ATF7IP: variants seen among roughly 807,000 people sequenced by gnomAD.
The protein encoded by ATF7IP is activating transcription factor 7-interacting protein 1.
ATF7IP carries 23 observed loss-of-function variants against 106.4 expected under a neutral mutation model. The observed-to-expected ratio is 0.22, with a 90% CI of 0.16 to 0.31. The LOEUF (loss-of-function observed/expected upper bound fraction) is 0.31. Among genes scored for constraint, ATF7IP ranks in the 10% least tolerant of loss-of-function variants. ATF7IP has a pLI of 1.00. For synonymous variants in ATF7IP, 542 were observed against 539.0 expected (o/e 1.01, Z -0.08); for missense variants, 1,334 against 1,524.3 (o/e 0.88, Z 2.08).
intron 13 of ATF7IP, among the ~76,000 whole-genome samples, chr12:14,489,692 C>A (rs1461040110): frequency 6.6e-6 from 1 of 152,140 alleles, no homozygotes; most frequent in African/African-American, 2.4e-5. Context: ...TTCAAAAGGC[C>A]ATTCCACCGT....
chr12:14,491,474 C>G (rs987847583), intron 13 of ATF7IP, among the ~76,000 whole-genome samples: 2 of 152,082 alleles, frequency 1.3e-5, no homozygotes, highest in Non-Finnish European at 2.9e-5. Context: ...GCACACAAAT[C>G]TCTCACCAAT....
At position 14,499,732 on chromosome 12, in the gene ATF7IP, G is replaced by A. The variant is rs1316978125; in HGVS notation, c.*1659G>A. 6.6e-6 allele frequency: 1 copy of A among 152,242 alleles called. No individual in the cohort carries two copies. The highest frequency in any genetic ancestry group is 1.5e-5 in the Non-Finnish European group (1 of 68,112). The allele number at this position is 152,242 out of a possible 1,614,324, so 9.4% of individuals were successfully genotyped here. ...CCCAGCTACTCAGGAGGCAAGGCTG[G>A]AGAATCGCTTGAACCCGGGAGGCGG... On this transcript the variant is annotated 3_prime_UTR_variant, in exon 15 of 15. Transcript: ENST00000261168.
At chr12:14,396,295 C>T (rs911781333) in intron 1 of ATF7IP, among the ~76,000 whole-genome samples, 13 of 152,216 alleles carry the variant, frequency 8.5e-5, no homozygotes, top group African/African-American at 1.4e-4. Context: ...TTCCAGTTCT[C>T]TAGTTTCTGA....
Position 14,424,275 on chromosome 12 carries a change from A to C in ATF7IP, c.360A>C (p.Glu120Asp). 6.2e-7 allele frequency: 1 copy of C among 1,614,192 alleles called. No homozygotes were observed. The highest frequency in any genetic ancestry group is 8.5e-7 in the Non-Finnish European group (1 of 1,180,040). Residue 120 changes from glutamate (E) to aspartate (D), a missense_variant, in exon 2 of 15, where the codon GAA becomes GAC. Glu to Asp is a conservative substitution (Grantham distance 45). This residue lies in a region of ATF7IP where 438 missense variants were observed against 405.3 expected (regional missense o/e 1.08). Coordinates refer to ENST00000261168, the MANE Select transcript of ATF7IP (RefSeq NM_018179.5). ...EPLSPHNITPEPVSKLPAEPV... is the reference protein window; with the variant it reads ...EPLSPHNITPDPVSKLPAEPV... ...TGTCTCCCCATAATATAACTCCAGAACCAGTCTCTAAACTGCCTGCTGAAC... is the reference window on the plus strand; with the variant it reads ...TGTCTCCCCATAATATAACTCCAGACCCAGTCTCTAAACTGCCTGCTGAAC...
intron 8 of ATF7IP, among the ~76,000 whole-genome samples, chr12:14,459,331 G>C (rs1460453524): frequency 2.0e-5 from 3 of 149,342 alleles, no homozygotes; most frequent in South Asian, 2.1e-4. Flanking sequence ...TGTCTTATAT[G>C]TACTGCCTAT....
intron 1 of ATF7IP, among the ~76,000 whole-genome samples, chr12:14,386,091 A>G (rs896242311): frequency 5.3e-5 from 8 of 152,306 alleles, no homozygotes; most frequent in African/African-American, 1.9e-4. Flanking sequence ...TTTAAAAAAT[A>G]TATCTAATGT....
intron 1 of ATF7IP, among the ~76,000 whole-genome samples, chr12:14,407,035 TG>T (rs1179942063): frequency 6.6e-6 from 1 of 152,252 alleles, no homozygotes; most frequent in Non-Finnish European, 1.5e-5. Flanking sequence ...AATGGTTCTG[TG>T]TTCCTATATG....
chr12:14,386,385 C>CTTA lies in ATF7IP; in HGVS notation c.-8+20558_-8+20559insTTA, dbSNP rs552884262. 8.9e-3 allele frequency among the ~76,000 whole-genome samples: 1,350 copies of CTTA among 152,186 alleles called. 9 individuals carry two copies. Among genetic ancestry groups the CTTA allele is most frequent in the African/African-American group, 0.026 (1,079 of 41,548 alleles). ...ACTTTAAGCAGCAATACTTAAATTGCAGTACCTGTTAAAATATTTTTTAGC... is the reference window on the plus strand; with the variant it reads ...ACTTTAAGCAGCAATACTTAAATTGCTTAAGTACCTGTTAAAATATTTTTTAGC... On this transcript the variant is annotated intron_variant, in intron 1 of 14. Transcript: ENST00000261168.
chr12:14,457,073 C>A, intron 7 of ATF7IP, 134 bp from the exon 8 acceptor site: 1 of 709,844 alleles, frequency 1.4e-6, no homozygotes, highest in Non-Finnish European at 2.4e-6. Context: ...ACTGTTTTTG[C>A]TTGCAGTTTA....
rs139992388 is a variant in ATF7IP at position 14,420,908 on chromosome 12, A to G, written c.-7-3001A>G. On this transcript the variant is annotated intron_variant, in intron 1 of 14. Coordinates refer to ENST00000261168, the MANE Select transcript of ATF7IP (RefSeq NM_018179.5). ...TTCTACCATATCATTCCTACTGGTG[A>G]TGGTAATGGTAAGTGACTATCCAAT... 1.3e-3 allele frequency among the ~76,000 whole-genome samples: 203 copies of G among 152,276 alleles called. 1 individual carries two copies. In the East Asian group the frequency reaches 0.02, roughly 15 times the overall value.
intron 14 of ATF7IP, 83 bp downstream of exon 14, chr12:14,496,426 G>T: frequency 1.1e-6 from 1 of 877,000 alleles, no homozygotes; most frequent in Non-Finnish European, 1.8e-6. Context: ...TCTTTAAAAT[G>T]GTTATATCCA....
chr12:14,411,333 C>G (rs1028317791), intron 1 of ATF7IP, among the ~76,000 whole-genome samples: 1 of 152,084 alleles, frequency 6.6e-6, no homozygotes, highest in Non-Finnish European at 1.5e-5. Context: ...GAGATGTTAT[C>G]TCATTGTGGT....
At chr12:14,373,074 T>G (rs1938592296) in intron 1 of ATF7IP, among the ~76,000 whole-genome samples, 1 of 152,160 alleles carries the variant, frequency 6.6e-6, no homozygotes, top group African/African-American at 2.4e-5. Flanking sequence ...AAGGATGACT[T>G]GACTGCTGCA....
At chr12:14,469,372 A>C (rs1443993442) in intron 10 of ATF7IP, among the ~76,000 whole-genome samples, 11 of 151,534 alleles carry the variant, frequency 7.3e-5, no homozygotes, top group Admixed American at 2.0e-4. Flanking sequence ...CAAAAAAAAA[A>C]AAAAAAAAAA....
chr12:14,383,709 C>T (rs1939091948), intron 1 of ATF7IP, among the ~76,000 whole-genome samples: 1 of 152,114 alleles, frequency 6.6e-6, no homozygotes, highest in Non-Finnish European at 1.5e-5. Flanking sequence ...CATATTACCA[C>T]ACCTGCTAAT....
intron 1 of ATF7IP, among the ~76,000 whole-genome samples, chr12:14,369,587 C>T (rs548906281): frequency 3.3e-5 from 5 of 152,214 alleles, no homozygotes; most frequent in South Asian, 2.1e-4. Context: ...ATCTGCCTGC[C>T]TTGGCCCCCA....
chr12:14,496,767 A>C (rs1266136367), intron 14 of ATF7IP, among the ~76,000 whole-genome samples: 2 of 152,230 alleles, frequency 1.3e-5, no homozygotes, highest in African/African-American at 4.8e-5. Context: ...ATTAGTTAAG[A>C]GGTAACAGAG....
rs1338684972 is a variant in ATF7IP at position 14,501,425 on chromosome 12, C to G, written c.*3352C>G. On this transcript the variant is annotated 3_prime_UTR_variant, in exon 15 of 15. Coordinates refer to ENST00000261168, the MANE Select transcript of ATF7IP (RefSeq NM_018179.5). The stretch of plus-strand genomic sequence containing the variant: ...GCATTCTGTGAGAGTAATTTTCACT[C>G]TGTCTTAAGTGTGAGTAAGCCTCTT... 2 of 152,184 alleles carry G rather than the reference C, an allele frequency of 1.3e-5. No homozygotes were observed. The highest frequency in any genetic ancestry group is 6.5e-5 in the Admixed American group (1 of 15,270). The allele number at this position is 152,184 out of a possible 1,614,324, so 9.4% of individuals were successfully genotyped here. A position where few individuals can be genotyped will look rare whatever the true frequency, so the allele number is the denominator to read the frequency against.
intron 11 of ATF7IP, 115 bp from the exon 12 acceptor site, chr12:14,478,202 A>T: frequency 1.1e-6 from 1 of 902,504 alleles, no homozygotes; most frequent in South Asian, 1.6e-5. Flanking sequence ...TTATTCTCTT[A>T]GAGGTAAATG....
Sources: gnomAD v4.1 joint callset for allele counts (sites outside exome capture counted in the v4.1 genomes callset) on GRCh38, gnomAD v4.1.1 for gene constraint, gnomAD v4.1.1 regional missense constraint, MANE v1.5 for transcripts, NCBI Gene and HGNC (gene_info 2026-07-23, HGNC 2026-07-21) for gene names.